Variants in FUT9 observed in about 807,000 individuals in gnomAD.
The protein encoded by FUT9 is fucosyltransferase 9.
FUT9 carries 15 observed loss-of-function variants against 29.7 expected under a neutral mutation model. The ratio of observed to expected loss-of-function variants is 0.51; its 90% CI spans 0.34 to 0.78. FUT9 has a LOEUF of 0.78. Ranked by LOEUF, FUT9 falls within the 30% of genes least tolerant of loss-of-function variation. The pLI is 0.01. For missense variants in FUT9, 319 were observed against 425.4 expected (o/e 0.75, Z 2.20); for synonymous variants, 169 against 153.7 (o/e 1.10, Z -0.74).
At chr6:96,193,526 T>C (rs563574238) in intron 2 of FUT9, among the ~76,000 whole-genome samples, 1 of 151,662 alleles carries the variant, frequency 6.6e-6, no homozygotes, top group Admixed American at 6.6e-5. Context: ...CCAGTTAGAA[T>C]GGCAATCATG....
At chr6:96,051,663 T>C (rs1024084499) in intron 1 of FUT9, among the ~76,000 whole-genome samples, 2 of 151,862 alleles carry the variant, frequency 1.3e-5, no homozygotes, top group African/African-American at 4.8e-5. Flanking sequence ...TAAAAAAAAT[T>C]AGTAATAAAT....
In FUT9 at chr6:96,147,163, CT is replaced by C. The variant is rs869290093; in HGVS notation, c.-9+33049del. Among the ~76,000 whole-genome samples, 224 of 143,340 alleles carry C rather than the reference CT, an allele frequency of 1.6e-3. 1 individual carries two copies. Among genetic ancestry groups the C allele is most frequent in the Middle Eastern group, 3.7e-3 (1 of 272 alleles). The allele number at this position is 143,340 out of a possible 152,430, so 94.0% of individuals were successfully genotyped here. Reference sequence around the variant, plus strand: ...CCTGTCCAATTTTTTTTTTATTTTTCTTTTTTTTTTTTTCTTGAGATGGAGT... The same window carrying C: ...CCTGTCCAATTTTTTTTTTATTTTTCTTTTTTTTTTTTCTTGAGATGGAGT... On this transcript the variant is annotated intron_variant, in intron 2 of 2. Transcript: ENST00000302103.
At chr6:96,093,456 C>T (rs758615650) in intron 1 of FUT9, among the ~76,000 whole-genome samples, 23 of 152,022 alleles carry the variant, frequency 1.5e-4, no homozygotes, top group Non-Finnish European at 2.8e-4. Context: ...TTGACAGTAT[C>T]CTCTAGAAGT....
chr6:96,195,842 G>A (rs1411274632), intron 2 of FUT9, among the ~76,000 whole-genome samples: 1 of 152,204 alleles, frequency 6.6e-6, no homozygotes, highest in East Asian at 1.9e-4. Context: ...GCAGAATCCT[G>A]TACTAATACT....
intron 2 of FUT9, among the ~76,000 whole-genome samples, chr6:96,200,634 G>T (rs573298710): frequency 2.0e-5 from 3 of 152,222 alleles, no homozygotes; most frequent in East Asian, 3.9e-4. Context: ...TTTTGCCATT[G>T]CATTTCAGTT....
chr6:96,037,621 G>C lies in FUT9; in HGVS notation c.-98+21409G>C, dbSNP rs530485491. Among the ~76,000 whole-genome samples, 4 of 151,998 alleles carry C rather than the reference G, an allele frequency of 2.6e-5. No individual in the cohort carries two copies. The South Asian group carries it at 8.3e-4, about 32-fold the overall frequency. Reference sequence around the variant, plus strand: ...ATGGAATTTAAAGATTAACCCTTGAGACTAATCTTTTTCTGGATAAAACTC... The same window carrying C: ...ATGGAATTTAAAGATTAACCCTTGACACTAATCTTTTTCTGGATAAAACTC... On this transcript the variant is annotated intron_variant, in intron 1 of 2. Transcript: ENST00000302103.
At chr6:96,122,792 A>G (rs574231483) in intron 2 of FUT9, among the ~76,000 whole-genome samples, 24 of 152,240 alleles carry the variant, frequency 1.6e-4, no homozygotes, top group Admixed American at 7.2e-4. Flanking sequence ...CACGCCTGTA[A>G]TTCCAGCACT....
chr6:96,130,066 A>G (rs1582254669), intron 2 of FUT9, among the ~76,000 whole-genome samples: 1 of 152,128 alleles, frequency 6.6e-6, no homozygotes, highest in East Asian at 1.9e-4. Flanking sequence ...CCTCAATAAA[A>G]TAACATTGGG....
intron 1 of FUT9, among the ~76,000 whole-genome samples, chr6:96,110,604 C>T (rs535187374): frequency 2.6e-5 from 4 of 152,214 alleles, no homozygotes; most frequent in South Asian, 2.1e-4. Context: ...CTTTTCTCTA[C>T]CATTGAGCTC....
intron 1 of FUT9, among the ~76,000 whole-genome samples, chr6:96,098,829 G>A (rs745451783): frequency 1.1e-4 from 16 of 152,116 alleles, no homozygotes; most frequent in Non-Finnish European, 1.8e-4. Context: ...AATTTCAAAT[G>A]TGCTGTTGAA....
intron 2 of FUT9, among the ~76,000 whole-genome samples, chr6:96,147,684 A>T (rs1405940822): frequency 1.3e-5 from 2 of 151,946 alleles, no homozygotes; most frequent in African/African-American, 4.8e-5. Flanking sequence ...TAGAGTGAAG[A>T]TTTCTTAACT....
chr6:96,120,905 G>A (rs1278819935), intron 2 of FUT9, among the ~76,000 whole-genome samples: 1 of 151,906 alleles, frequency 6.6e-6, no homozygotes, highest in African/African-American at 2.4e-5. Flanking sequence ...CGGGTGGATA[G>A]AGTAGGACAA....
At chr6:96,121,787 A>T (rs1449265920) in intron 2 of FUT9, among the ~76,000 whole-genome samples, 1 of 152,110 alleles carries the variant, frequency 6.6e-6, no homozygotes, top group African/African-American at 2.4e-5. Flanking sequence ...CATGTCATTT[A>T]AATCCCCCAA....
At chr6:96,132,060 C>T (rs1772254979) in intron 2 of FUT9, among the ~76,000 whole-genome samples, 1 of 152,082 alleles carries the variant, frequency 6.6e-6, no homozygotes, top group Non-Finnish European at 1.5e-5. Flanking sequence ...TTATCAATTG[C>T]ATTTCTTCCT....
At chr6:96,063,300 G>A (rs1770907523) in intron 1 of FUT9, among the ~76,000 whole-genome samples, 1 of 152,152 alleles carries the variant, frequency 6.6e-6, no homozygotes, top group African/African-American at 2.4e-5. Context: ...ATGTTTTACA[G>A]GAAGTATGGT....
chr6:96,198,616 C>A lies in FUT9; in HGVS notation c.-8-4532C>A, dbSNP rs147649553. 3.5e-4 allele frequency among the ~76,000 whole-genome samples: 54 copies of A among 152,242 alleles called. 1 individual carries two copies. Among genetic ancestry groups the A allele is most frequent in the African/African-American group, 1.3e-3 (52 of 41,534 alleles). Reference sequence around the variant, plus strand: ...TCTTTATAGCAGCATGATTTACAGTCCTTTGGGTATATACCCAGTAATGCG... The same window carrying A: ...TCTTTATAGCAGCATGATTTACAGTACTTTGGGTATATACCCAGTAATGCG... On this transcript the variant is annotated intron_variant, in intron 2 of 2. Coordinates refer to ENST00000302103, the MANE Select transcript of FUT9 (RefSeq NM_006581.4).
chr6:96,188,497 G>A (rs994069375), intron 2 of FUT9, among the ~76,000 whole-genome samples: 3 of 152,004 alleles, frequency 2.0e-5, no homozygotes, highest in African/African-American at 4.8e-5. Flanking sequence ...CGTGTGACCT[G>A]AGGCAGAAAG....
chr6:96,136,532 C>A (rs1044399246), intron 2 of FUT9, among the ~76,000 whole-genome samples: 3 of 151,900 alleles, frequency 2.0e-5, no homozygotes, highest in East Asian at 1.9e-4. Context: ...TATATTTTAT[C>A]TTTATATTTT....
At chr6:96,120,419 C>T (rs1013811676) in intron 2 of FUT9, among the ~76,000 whole-genome samples, 5 of 150,218 alleles carry the variant, frequency 3.3e-5, no homozygotes, top group Admixed American at 6.6e-5. Context: ...TACAGGCGTC[C>T]GCCACCACGC....
Sources: allele counts gnomAD v4.1 joint callset (sites outside exome capture counted in the v4.1 genomes callset), GRCh38; gene constraint gnomAD v4.1.1; transcripts MANE v1.5; gene names NCBI Gene and HGNC (gene_info 2026-07-23, HGNC 2026-07-21).